The following MAD1L1 variants were observed in gnomAD, a reference collection of about 807,000 sequenced individuals.
The protein encoded by MAD1L1 is mitotic arrest deficient 1 like 1.
A neutral mutation model predicts 96.9 loss-of-function variants in MAD1L1; 95 were observed. That is an observed-to-expected ratio of 0.98 (90% CI 0.83 to 1.16). MAD1L1 has a LOEUF of 1.16. Among genes scored for constraint, MAD1L1 ranks in the 50% most tolerant of loss-of-function variants. The pLI, the probability that MAD1L1 is intolerant of heterozygous loss-of-function variation, is 0.00. For synonymous variants in MAD1L1, 473 were observed against 396.6 expected, an observed-to-expected ratio of 1.19 and a Z score of -2.29; for missense variants, 1,007 against 954.4, an observed-to-expected ratio of 1.06 and a Z score of -0.73.
chr7:2,023,395 C>G (rs1471798547), intron 12 of MAD1L1, among the ~76,000 whole-genome samples: 1 of 152,014 alleles, frequency 6.6e-6, no homozygotes, highest in Non-Finnish European at 1.5e-5. Flanking sequence ...TGAAAAATCC[C>G]AAGATATTTG....
intron 10 of MAD1L1, among the ~76,000 whole-genome samples, chr7:2,156,228 G>A (rs193270157): frequency 6.7e-6 from 1 of 148,588 alleles, no homozygotes; most frequent in African/African-American, 2.5e-5. Context: ...CGCGTGTGGC[G>A]AGGGGAGCGG....
chr7:2,074,183 A>G (rs1785270746), intron 11 of MAD1L1, among the ~76,000 whole-genome samples: 1 of 152,158 alleles, frequency 6.6e-6, no homozygotes, highest in Non-Finnish European at 1.5e-5. Context: ...GGAACACCGC[A>G]GCCAGCCTGG....
chr7:1,868,477 A>ACCCCCCC (rs1554277847), intron 18 of MAD1L1, among the ~76,000 whole-genome samples: 1 of 115,924 alleles, frequency 8.6e-6, no homozygotes, highest in Non-Finnish European at 1.8e-5. Context: ...GAGGCCTCCC[A>ACCCCCCC]CCCACCCCAC....
At chr7:1,983,487 C>T (rs1352654355) in intron 14 of MAD1L1, among the ~76,000 whole-genome samples, 2 of 152,216 alleles carry the variant, frequency 1.3e-5, no homozygotes, top group African/African-American at 4.8e-5. Flanking sequence ...CCTAAAACGT[C>T]ATTCATTTCC....
At chr7:1,964,762 TG>T (rs1301722657) in intron 15 of MAD1L1, among the ~76,000 whole-genome samples, 3 of 152,216 alleles carry the variant, frequency 2.0e-5, no homozygotes, top group Non-Finnish European at 2.9e-5. Context: ...GCCGGGATCT[TG>T]CTTATAACAA....
chr7:2,138,008 A>C (rs979029196), intron 11 of MAD1L1, among the ~76,000 whole-genome samples: 3 of 152,256 alleles, frequency 2.0e-5, no homozygotes, highest in African/African-American at 7.2e-5. Flanking sequence ...TGAAGTTCAC[A>C]GGGCGTTTCT....
At chr7:2,055,636 C>T (rs1028263372) in intron 12 of MAD1L1, among the ~76,000 whole-genome samples, 34 of 147,134 alleles carry the variant, frequency 2.3e-4, no homozygotes, top group Non-Finnish European at 4.4e-4. Flanking sequence ...CACTACTGTA[C>T]TCCAGCCTGG....
rs1780268796 is a variant in MAD1L1, at chr7:1,968,473, G to A, written c.1506-10754C>T. On this transcript the variant is annotated intron_variant, in intron 15 of 18. Transcript: ENST00000265854. This position sits in a 1 kb window ranked among gnomAD's most constrained non-coding sequence, Gnocchi z 5.6. Reference sequence around the variant, plus strand: ...AGTCATGTCCACCATCAATGCCTCAGTCCAGCGGTCAGGTCCACTGTCCAT... The same window carrying A: ...AGTCATGTCCACCATCAATGCCTCAATCCAGCGGTCAGGTCCACTGTCCAT... Among the ~76,000 whole-genome samples, 1 of 148,640 alleles carries A rather than the reference G, an allele frequency of 6.7e-6. No individual in the cohort carries two copies. The highest frequency in any genetic ancestry group is 1.5e-5 in the Non-Finnish European group (1 of 67,422).
intron 12 of MAD1L1, among the ~76,000 whole-genome samples, chr7:2,050,663 G>A (rs1446475624): frequency 6.8e-6 from 1 of 147,472 alleles, no homozygotes; most frequent in East Asian, 2.0e-4. Flanking sequence ...GAACTTACAA[G>A]GCTCTTGGGT....
At chr7:1,851,338 G>A (rs1783966887) in intron 18 of MAD1L1, among the ~76,000 whole-genome samples, 2 of 152,224 alleles carry the variant, frequency 1.3e-5, no homozygotes. Context: ...AGGTGGGGGA[G>A]GGTGTCTGCA....
intron 15 of MAD1L1, among the ~76,000 whole-genome samples, chr7:1,974,909 G>C (rs1376356196): frequency 6.6e-6 from 1 of 152,260 alleles, no homozygotes; most frequent in Admixed American, 6.5e-5. Context: ...GCAGGTCCGG[G>C]GTACAGGACC....
At chr7:1,877,669 A>G (rs539230583) in intron 18 of MAD1L1, among the ~76,000 whole-genome samples, 2 of 152,326 alleles carry the variant, frequency 1.3e-5, no homozygotes, top group South Asian at 2.1e-4. Context: ...AGACACAGGT[A>G]GATTAAAAGA....
chr7:1,988,365 C>T lies in MAD1L1; in HGVS notation c.1417-7824G>A, dbSNP rs559426428. 5.0e-3 allele frequency among the ~76,000 whole-genome samples: 765 copies of T among 152,324 alleles called. 7 individuals are homozygous for T. Among genetic ancestry groups the T allele is most frequent in the African/African-American group, 0.018 (750 of 41,572 alleles). ...TGGCACACAGCAGCCCAGCCATCCC[C>T]ACCACAGGGACCTGAGGCCCAGGCA... On this transcript the variant is annotated intron_variant, in intron 14 of 18. Coordinates refer to ENST00000265854, the MANE Select transcript of MAD1L1 (RefSeq NM_001013836.2).
intron 11 of MAD1L1, among the ~76,000 whole-genome samples, chr7:2,089,732 C>T (rs752867267): frequency 2.0e-5 from 3 of 151,482 alleles, no homozygotes; most frequent in Non-Finnish European, 4.4e-5. Flanking sequence ...TCCCCGGGGC[C>T]CACCCCATCA....
At chr7:1,979,333 C>T (rs1780788813) in intron 15 of MAD1L1, among the ~76,000 whole-genome samples, 1 of 152,224 alleles carries the variant, frequency 6.6e-6, no homozygotes, top group South Asian at 2.1e-4. Context: ...CCCTGGATGC[C>T]CAGGGCCTGG....
At chr7:2,055,019 C>T (rs562991098) in intron 12 of MAD1L1, among the ~76,000 whole-genome samples, 11 of 152,282 alleles carry the variant, frequency 7.2e-5, no homozygotes, top group South Asian at 2.1e-4. Flanking sequence ...CGGCAGGGCC[C>T]GAACTCCATC....
chr7:2,050,991 T>TC (rs1004088974), intron 12 of MAD1L1, among the ~76,000 whole-genome samples: 11 of 152,350 alleles, frequency 7.2e-5, no homozygotes, highest in Admixed American at 7.2e-4. Context: ...GCAGCTAACT[T>TC]CCTTTCCTTT....
At chr7:1,818,453 G>A (rs1781944221) in intron 18 of MAD1L1, among the ~76,000 whole-genome samples, 1 of 152,074 alleles carries the variant, frequency 6.6e-6, no homozygotes, top group African/African-American at 2.4e-5. Context: ...GCATGATAAC[G>A]GGTCACTCAG....
At chr7:1,951,635 C>A (rs541957634) in intron 16 of MAD1L1, among the ~76,000 whole-genome samples, 4 of 152,334 alleles carry the variant, frequency 2.6e-5, no homozygotes, top group Admixed American at 2.6e-4. Context: ...CTCTCCACCT[C>A]CTGTCTATGG....
Sources: gnomAD v4.1 joint callset for allele counts (sites outside exome capture counted in the v4.1 genomes callset) on GRCh38, gnomAD v4.1.1 for gene constraint, Gnocchi (gnomAD v3.1) non-coding constraint, MANE v1.5 for transcripts, NCBI Gene and HGNC (gene_info 2026-07-23, HGNC 2026-07-21) for gene names.